GALNT13: variants seen among roughly 807,000 people sequenced by gnomAD.
The protein encoded by GALNT13 is polypeptide N-acetylgalactosaminyltransferase 13.
Under a neutral mutation model 64.2 loss-of-function variants are expected in GALNT13, and 28 were observed. That is an observed-to-expected ratio of 0.44 (90% CI 0.32 to 0.60). The LOEUF (loss-of-function observed/expected upper bound fraction) is 0.60. Among genes scored for constraint, GALNT13 ranks in the 20% least tolerant of loss-of-function variants. The pLI is 0.05. For synonymous variants in GALNT13, 214 were observed against 224.6 expected (o/e 0.95, Z 0.42); for missense variants, 577 against 669.8 (o/e 0.86, Z 1.53).
At chr2:154,037,159 G>A (rs1049437393) in intron 3 of GALNT13, among the ~76,000 whole-genome samples, 3 of 151,922 alleles carry the variant, frequency 2.0e-5, no homozygotes, top group African/African-American at 7.3e-5. Context: ...TTGAATTAAG[G>A]TATAACCTGT....
chr2:154,411,317 T>TACACAC (rs59114913), intron 11 of GALNT13, among the ~76,000 whole-genome samples: 13,560 of 147,428 alleles, frequency 0.092, 700 homozygotes, highest in South Asian at 0.13. Context: ...TAATTGCACA[T>TACACAC]ACACACACAC....
chr2:154,388,056 A>G (rs1002429834), intron 9 of GALNT13, among the ~76,000 whole-genome samples: 5 of 152,096 alleles, frequency 3.3e-5, no homozygotes, highest in Admixed American at 6.6e-5. Context: ...AAGAATTCCC[A>G]TTTCTCCACA....
At chr2:153,932,957 T>C (rs1477954741) in intron 2 of GALNT13, among the ~76,000 whole-genome samples, 1 of 152,144 alleles carries the variant, frequency 6.6e-6, no homozygotes, top group Non-Finnish European at 1.5e-5. Flanking sequence ...TGATTTCTAT[T>C]TTTATTGCTC....
chr2:154,029,249 A>T (rs528313421), intron 3 of GALNT13, among the ~76,000 whole-genome samples: 70 of 151,790 alleles, frequency 4.6e-4, no homozygotes, highest in African/African-American at 1.7e-3. Context: ...ATACAGGCAT[A>T]GCATAAGAAG....
chr2:153,367,163 A>C, the GALNT13 span, among the ~76,000 whole-genome samples: 1 of 152,254 alleles, frequency 6.6e-6, no homozygotes, highest in Admixed American at 6.5e-5. Context: ...AATAAAATAA[A>C]ATTAGTTTAT....
At chr2:154,365,175 A>G (rs1343703899) in intron 9 of GALNT13, among the ~76,000 whole-genome samples, 1 of 152,036 alleles carries the variant, frequency 6.6e-6, no homozygotes, top group Non-Finnish European at 1.5e-5. Flanking sequence ...TAGAGGCTTT[A>G]TTTATCCATT....
the GALNT13 span, among the ~76,000 whole-genome samples, chr2:153,565,742 A>T: frequency 6.6e-6 from 1 of 152,166 alleles, no homozygotes; most frequent in African/African-American, 2.4e-5. Flanking sequence ...CTTACTATAT[A>T]TTTATGTCTC....
At chr2:153,269,194 A>G in the GALNT13 span, among the ~76,000 whole-genome samples, 1 of 152,212 alleles carries the variant, frequency 6.6e-6, no homozygotes, top group Non-Finnish European at 1.5e-5. Context: ...AAAAAAATAA[A>G]AGTTTCACTT....
intron 3 of GALNT13, among the ~76,000 whole-genome samples, chr2:154,006,092 A>G (rs1369912524): frequency 6.6e-6 from 1 of 152,200 alleles, no homozygotes; most frequent in African/African-American, 2.4e-5. Flanking sequence ...TCTAGGGTGC[A>G]AATCTGGTGG....
the GALNT13 span, among the ~76,000 whole-genome samples, chr2:153,521,612 A>G: frequency 1.3e-5 from 2 of 152,186 alleles, no homozygotes; most frequent in African/African-American, 2.4e-5. Flanking sequence ...GGATTTTGAC[A>G]AAGGCATAAT....
the GALNT13 span, among the ~76,000 whole-genome samples, chr2:153,156,348 A>G: frequency 1.3e-5 from 2 of 152,148 alleles, no homozygotes; most frequent in African/African-American, 2.4e-5. Flanking sequence ...CACACTTTCT[A>G]TTACAGGTTT....
At chr2:153,775,438 T>G in the GALNT13 span, among the ~76,000 whole-genome samples, 1 of 152,196 alleles carries the variant, frequency 6.6e-6, no homozygotes, top group Non-Finnish European at 1.5e-5. Context: ...GCCTCATTCA[T>G]ATGTTGATAT....
At chr2:153,204,890 GA>G in the GALNT13 span, among the ~76,000 whole-genome samples, 3 of 151,616 alleles carry the variant, frequency 2.0e-5, no homozygotes, top group East Asian at 1.9e-4. Flanking sequence ...CCAGTAAGGG[GA>G]AAAAAAAGAG....
chr2:154,050,596 A>C (rs1699550330), intron 3 of GALNT13, among the ~76,000 whole-genome samples: 1 of 152,122 alleles, frequency 6.6e-6, no homozygotes, highest in African/African-American at 2.4e-5. Context: ...GATGCTGAAA[A>C]ACAGCAGCCA....
At chr2:153,370,996 A>G in the GALNT13 span, 35 of 215,882 alleles carry the variant, frequency 1.6e-4, no homozygotes, top group East Asian at 3.1e-3. Flanking sequence ...TGATGGAGAG[A>G]AGAAGACATT....
the GALNT13 span, among the ~76,000 whole-genome samples, chr2:153,637,598 A>G: frequency 1.4e-4 from 21 of 152,214 alleles, no homozygotes; most frequent in South Asian, 4.3e-3. Flanking sequence ...AGTTTTTTGC[A>G]TTTTCTTGGA....
chr2:154,387,600 G>A (rs904790130), intron 9 of GALNT13, among the ~76,000 whole-genome samples: 1 of 151,976 alleles, frequency 6.6e-6, no homozygotes, highest in Non-Finnish European at 1.5e-5. Flanking sequence ...TGTAGCCTGT[G>A]GTAACCATCA....
the GALNT13 span, among the ~76,000 whole-genome samples, chr2:153,118,134 CA>C: frequency 1.3e-5 from 2 of 150,428 alleles, no homozygotes; most frequent in African/African-American, 4.9e-5. Context: ...CACACACACA[CA>C]CACACACACA....
At chr2:153,267,973 T>A in the GALNT13 span, among the ~76,000 whole-genome samples, 1 of 152,140 alleles carries the variant, frequency 6.6e-6, no homozygotes. Context: ...ATGTGGGGAT[T>A]ATTACAATTC....
Sources: allele counts gnomAD v4.1 joint callset (sites outside exome capture counted in the v4.1 genomes callset), GRCh38; gene constraint gnomAD v4.1.1; transcripts MANE v1.5; gene names NCBI Gene and HGNC (gene_info 2026-07-23, HGNC 2026-07-21).